CLOCK: variants seen among roughly 807,000 people sequenced by gnomAD.
CLOCK encodes clock circadian regulator, also known as circadian locomoter output cycles protein kaput.
A neutral mutation model predicts 118.4 loss-of-function variants in CLOCK; 43 were observed. That is an observed-to-expected ratio of 0.36 (90% CI 0.28 to 0.47). The LOEUF (loss-of-function observed/expected upper bound fraction) is 0.47. CLOCK is among the 20% of genes least tolerant of loss of function. The pLI is 1.00. For missense variants in CLOCK, 846 were observed against 999.9 expected, an observed-to-expected ratio of 0.85 and a Z score of 2.08; for synonymous variants, 326 against 339.2, an observed-to-expected ratio of 0.96 and a Z score of 0.43.
chr4:55,437,525 T>C (rs1045435115), intron 22 of CLOCK, among the ~76,000 whole-genome samples: 3 of 152,214 alleles, frequency 2.0e-5, no homozygotes, highest in African/African-American at 7.2e-5. Context: ...ATGATATCTG[T>C]GTCTATATTT....
intron 8 of CLOCK, among the ~76,000 whole-genome samples, chr4:55,468,506 T>C (rs1725889148): frequency 6.6e-6 from 1 of 152,204 alleles, no homozygotes; most frequent in African/African-American, 2.4e-5. Context: ...TAATTCTCTA[T>C]CCTTCTGGTC....
In CLOCK at chr4:55,442,570, G is replaced by T; in HGVS notation, c.1967C>A (p.Thr656Asn). 1.2e-6 allele frequency: 2 copies of T among 1,612,204 alleles called. No individual in the cohort carries two copies. The highest frequency in any genetic ancestry group is 1.7e-6 in the Non-Finnish European group (2 of 1,179,742). Residue 656 changes from threonine (T) to asparagine (N), a missense_variant, in exon 21 of 23, where the codon ACT becomes AAT. Thr to Asn is a moderately conservative substitution (Grantham distance 65, BLOSUM62 0). This residue lies in a region of CLOCK where 520 missense variants were observed against 558.0 expected (regional missense o/e 0.93). Coordinates refer to ENST00000513440, the MANE Select transcript of CLOCK (RefSeq NM_004898.4). The stretch of plus-strand genomic sequence containing the variant: ...AGTGTTATACAGTGGGGCTGTAAGA[G>T]TGCTCTGTGTCTGACTGGGTAGAGA... ...QTSLPSQTQS[T>N]LTAPLYNTMV...
chr4:55,520,141 A>C (rs1430081600), intron 1 of CLOCK, among the ~76,000 whole-genome samples: 1 of 152,244 alleles, frequency 6.6e-6, no homozygotes, highest in East Asian at 1.9e-4. Context: ...AAACTGTCAT[A>C]GAAGCCCTCT....
At chr4:55,448,952 G>C (rs778299046) in intron 17 of CLOCK, 84 bp from the exon 18 acceptor site, 4 of 1,065,896 alleles carry the variant, frequency 3.8e-6, no homozygotes, top group South Asian at 1.3e-5. Context: ...TATGATATTC[G>C]TATTAATAAA....
intron 1 of CLOCK, among the ~76,000 whole-genome samples, chr4:55,539,659 G>A (rs1412861550): frequency 6.6e-6 from 1 of 150,540 alleles, no homozygotes; most frequent in African/African-American, 2.4e-5. Context: ...ATACTAGGTA[G>A]GCCAGTATCA....
rs1322258993 is a variant in CLOCK, at chr4:55,538,536, G to GA, written c.-290+8245dup. Among the ~76,000 whole-genome samples, 5 of 151,992 alleles carry GA rather than the reference G, an allele frequency of 3.3e-5. No homozygotes were observed. The East Asian group carries it at 9.7e-4, about 29-fold the overall frequency. ...GGTCGATAGAAAATATCCAAACAGA[G>GA]AAAAAAATTTTTTTCAACATGTGGA... On this transcript the variant is annotated intron_variant, in intron 1 of 22. Coordinates refer to ENST00000513440, the MANE Select transcript of CLOCK (RefSeq NM_004898.4).
rs899803875 is a variant in CLOCK at position 55,521,968 on chromosome 4, A to C, written c.-289-11903T>G. Among the ~76,000 whole-genome samples the C allele has an allele frequency of 7.9e-5, 12 of 152,318 alleles. 1 individual carries two copies. Among genetic ancestry groups the C allele is most frequent in the Non-Finnish European group, 1.5e-5 (1 of 68,004 alleles). ...AATATGGGTCTTTCAAAACAGAGAT[A>C]GAGAGATCACAAATAGAGTCATATG... is the stretch of plus-strand genomic sequence containing the variant. On this transcript the variant is annotated intron_variant, in intron 1 of 22. Coordinates refer to ENST00000513440, the MANE Select transcript of CLOCK (RefSeq NM_004898.4).
At chr4:55,532,937 A>G (rs190275624) in intron 1 of CLOCK, among the ~76,000 whole-genome samples, 3 of 152,284 alleles carry the variant, frequency 2.0e-5, no homozygotes, top group Admixed American at 1.3e-4. Flanking sequence ...TGTACTCTGA[A>G]AACTACAAAA....
intron 1 of CLOCK, among the ~76,000 whole-genome samples, chr4:55,538,273 T>A (rs375997676): frequency 6.4e-4 from 98 of 152,296 alleles, no homozygotes; most frequent in South Asian, 4.3e-3. Flanking sequence ...TACAACCATA[T>A]GACCAATAAC....
At position 55,430,405 on chromosome 4, in the gene CLOCK, T is replaced by C. The variant is rs1270448906; in HGVS notation, c.*5010A>G. 6.6e-6 allele frequency: 1 copy of C among 152,204 alleles called. No individual in the cohort carries two copies. Among genetic ancestry groups the C allele is most frequent in the African/African-American group, 2.4e-5 (1 of 41,458 alleles). 9.4% of individuals were successfully genotyped at this position (152,204 alleles called of 1,614,324 possible). On this transcript the variant is annotated 3_prime_UTR_variant, in exon 23 of 23. Transcript: ENST00000513440. The stretch of plus-strand genomic sequence containing the variant: ...GTTATGACATAGGGGGAAAAAACTA[T>C]GCAAAACAGTCACATGGAAAGAAAG...
At chr4:55,488,039 T>G (rs1727411758) in intron 3 of CLOCK, among the ~76,000 whole-genome samples, 1 of 152,170 alleles carries the variant, frequency 6.6e-6, no homozygotes. Context: ...TAGGCTTTCA[T>G]CCCCACCACT....
At chr4:55,542,374 TAATAA>T (rs1560490052) in intron 1 of CLOCK, among the ~76,000 whole-genome samples, 39 of 23,086 alleles carry the variant, frequency 1.7e-3, no homozygotes, top group Admixed American at 0.012. Flanking sequence ...ATAATAATAA[TAATAA>T]TATTATTATT....
intron 7 of CLOCK, among the ~76,000 whole-genome samples, chr4:55,475,284 C>T (rs1726430566): frequency 6.6e-6 from 1 of 152,152 alleles, no homozygotes; most frequent in Non-Finnish European, 1.5e-5. Flanking sequence ...TGACTGATTG[C>T]TGCAATCTGC....
chr4:55,534,039 A>G (rs1278720374), intron 1 of CLOCK, among the ~76,000 whole-genome samples: 2 of 152,232 alleles, frequency 1.3e-5, no homozygotes, highest in Non-Finnish European at 2.9e-5. Context: ...GTGTCTTAAA[A>G]CATTAATGTA....
intron 7 of CLOCK, among the ~76,000 whole-genome samples, chr4:55,473,144 G>A (rs1196334004): frequency 1.3e-5 from 2 of 151,934 alleles, no homozygotes; most frequent in Non-Finnish European, 2.9e-5. Flanking sequence ...AGAATCACTT[G>A]AATCTGGGAG....
chr4:55,435,460 G>A lies in CLOCK; in HGVS notation c.2496C>T (p.His832=). The A allele has an allele frequency of 1.2e-6, 2 of 1,614,064 alleles. No individual in the cohort carries two copies. Among genetic ancestry groups the A allele is most frequent in the Non-Finnish European group, 1.7e-6 (2 of 1,179,936 alleles). The change falls in exon 23 of 23, where the codon CAC becomes CAT. Residue 832 remains histidine (H), a synonymous_variant. Coordinates refer to ENST00000513440, the MANE Select transcript of CLOCK (RefSeq NM_004898.4). Reference sequence around the variant, plus strand: ...AAGGGTCGGGCAAGCTGTCAGTCCTGTGCCGGCTGAGTTGCTGCTGTTGCT... The same window carrying A: ...AAGGGTCGGGCAAGCTGTCAGTCCTATGCCGGCTGAGTTGCTGCTGTTGCT... ...QSQQQQQLSR[H]RTDSLPDPSK...
At chr4:55,457,787 T>C (rs111972613) in intron 11 of CLOCK, among the ~76,000 whole-genome samples, 5,127 of 152,194 alleles carry the variant, frequency 0.034, 103 homozygotes, top group Non-Finnish European at 0.054. Flanking sequence ...AAAAAACAAT[T>C]ATTAATTAAT....
chr4:55,478,798 C>G lies in CLOCK; in HGVS notation c.256+17G>C. 1 of 1,609,728 alleles carries G rather than the reference C, an allele frequency of 6.2e-7. No homozygotes were observed. Among genetic ancestry groups the G allele is most frequent in the Non-Finnish European group, 8.5e-7 (1 of 1,177,232 alleles). ...TGCTTTGAGAGTCTGTTCCATTTTACAGAGTTAAAAATTTACCTTTATGTT... is the reference window on the plus strand; with the variant it reads ...TGCTTTGAGAGTCTGTTCCATTTTAGAGAGTTAAAAATTTACCTTTATGTT... On this transcript the variant is annotated intron_variant, in intron 6 of 22. Transcript: ENST00000513440.
intron 15 of CLOCK, 122 bp from the exon 16 acceptor site, chr4:55,450,354 A>G: frequency 2.9e-6 from 3 of 1,045,884 alleles, no homozygotes; most frequent in Non-Finnish European, 4.4e-6. Context: ...AAGTACCTGT[A>G]TGTACATACA....
Sources: gnomAD v4.1 joint callset for allele counts (sites outside exome capture counted in the v4.1 genomes callset) on GRCh38, gnomAD v4.1.1 for gene constraint, gnomAD v4.1.1 regional missense constraint, MANE v1.5 for transcripts, NCBI Gene and HGNC (gene_info 2026-07-23, HGNC 2026-07-21) for gene names.